Variants in PREX2 observed in about 807,000 individuals in gnomAD.
PREX2 encodes the protein phosphatidylinositol 3,4,5-trisphosphate-dependent Rac exchanger 2 protein.
A neutral mutation model predicts 203.2 loss-of-function variants in PREX2; 107 were observed. The observed-to-expected ratio is 0.53, with a 90% confidence interval of 0.45 to 0.62. The LOEUF is 0.62. Ranked by LOEUF, PREX2 falls within the 20% of genes least tolerant of loss-of-function variation. PREX2 has a pLI of 0.00. For missense variants in PREX2, 1,777 were observed against 1,955.9 expected (o/e 0.91, Z 1.72); for synonymous variants, 672 against 663.6 (o/e 1.01, Z -0.19).
intron 30 of PREX2, among the ~76,000 whole-genome samples, chr8:68,126,660 G>A (rs1360590499): frequency 6.6e-6 from 1 of 151,594 alleles, no homozygotes; most frequent in African/African-American, 2.4e-5. Flanking sequence ...CCATAATCTT[G>A]GGCATTTAGC....
Position 68,231,317 on chromosome 8 carries a change from A to C in PREX2, c.4776-16A>C. 2 of 1,574,642 alleles carry C rather than the reference A, an allele frequency of 1.3e-6. No homozygotes were observed. The highest frequency in any genetic ancestry group is 1.7e-6 in the Non-Finnish European group (2 of 1,164,106). ...ATACACTAAGTCACTGTCAAACTTT[A>C]CCATGCCTTTTCTAGGCTGTACAAG... On this transcript the variant is annotated splice_polypyrimidine_tract_variant and intron_variant, in intron 39 of 39. Transcript: ENST00000288368.
chr8:68,066,035 G>A (rs2129611474), intron 11 of PREX2, among the ~76,000 whole-genome samples: 1 of 152,162 alleles, frequency 6.6e-6, no homozygotes, highest in South Asian at 2.1e-4. Context: ...TCACTTTTTT[G>A]TGGTGAGAAC....
chr8:68,217,567 G>A (rs1281780559), intron 37 of PREX2, 49 bp from the exon 38 acceptor site: 1 of 1,324,010 alleles, frequency 7.6e-7, no homozygotes, highest in Non-Finnish European at 1.1e-6. Flanking sequence ...CATCTCAAAG[G>A]GTGTATCAGG....
intron 34 of PREX2, among the ~76,000 whole-genome samples, chr8:68,148,566 A>G (rs548268628): frequency 1.3e-5 from 2 of 152,364 alleles, no homozygotes; most frequent in African/African-American, 4.8e-5. Flanking sequence ...TTTGCAAGCA[A>G]CCTCTATTTT....
intron 37 of PREX2, among the ~76,000 whole-genome samples, chr8:68,196,726 C>T (rs994411595): frequency 8.9e-6 from 1 of 112,846 alleles, no homozygotes; most frequent in African/African-American, 4.2e-5. Flanking sequence ...ATGGCACCTC[C>T]CCCCCCCAAC....
intron 19 of PREX2, among the ~76,000 whole-genome samples, chr8:68,088,785 C>T (rs1031216918): frequency 3.3e-5 from 5 of 152,142 alleles, no homozygotes; most frequent in Admixed American, 6.5e-5. Context: ...CAAATATCTT[C>T]TGCATTTTCA....
At chr8:68,080,713 C>G in intron 16 of PREX2, 33 bp from the exon 17 acceptor site, 1 of 1,484,774 alleles carries the variant, frequency 6.7e-7, no homozygotes. Context: ...TTCATAGTTG[C>G]TTTATCAATA....
At chr8:68,098,938 GTATATATA>G (rs71253061) in intron 22 of PREX2, among the ~76,000 whole-genome samples, 321 of 109,790 alleles carry the variant, frequency 2.9e-3, no homozygotes, top group South Asian at 5.0e-3. Context: ...ATATATATGT[GTATATATA>G]TATATATATA....
chr8:68,114,953 A>C (rs1198640718), intron 25 of PREX2, among the ~76,000 whole-genome samples: 3 of 150,212 alleles, frequency 2.0e-5, no homozygotes, highest in Non-Finnish European at 3.0e-5. Context: ...TTTGGGTTTA[A>C]TATTTGGCTA....
intron 10 of PREX2, 32 bp from the exon 11 acceptor site, chr8:68,060,647 C>T (rs755958894): frequency 2.0e-5 from 30 of 1,504,006 alleles, no homozygotes; most frequent in Admixed American, 5.4e-5. Context: ...AAAAATTAAC[C>T]GTTTAGCTTT....
chr8:68,131,809 C>T (rs955300584), intron 31 of PREX2, among the ~76,000 whole-genome samples: 123 of 152,238 alleles, frequency 8.1e-4, no homozygotes, highest in African/African-American at 2.6e-3. Context: ...GCAGATCCTT[C>T]TTTCTCTAGA....
intron 1 of PREX2, among the ~76,000 whole-genome samples, chr8:67,961,494 A>G (rs948291808): frequency 1.3e-5 from 2 of 152,284 alleles, no homozygotes; most frequent in Non-Finnish European, 2.9e-5. Context: ...GATTTATAAC[A>G]TTGTAGTTGC....
chr8:68,118,294 G>A (rs1810697846), intron 26 of PREX2, among the ~76,000 whole-genome samples: 1 of 151,146 alleles, frequency 6.6e-6, no homozygotes, highest in South Asian at 2.1e-4. Context: ...GGCGGAGCTT[G>A]CAGTGAGCCG....
At chr8:67,956,829 T>C (rs966599586) in intron 1 of PREX2, among the ~76,000 whole-genome samples, 10 of 152,380 alleles carry the variant, frequency 6.6e-5, no homozygotes, top group African/African-American at 2.4e-4. Flanking sequence ...GCTATGTGTC[T>C]TGTCATAAAC....
intron 6 of PREX2, among the ~76,000 whole-genome samples, chr8:68,032,811 C>T (rs1807923342): frequency 6.6e-6 from 1 of 152,092 alleles, no homozygotes. Flanking sequence ...GAAGTTCAGA[C>T]GTAGGGTGGC....
chr8:68,012,208 A>G (rs1807284957), intron 1 of PREX2, among the ~76,000 whole-genome samples: 1 of 152,208 alleles, frequency 6.6e-6, no homozygotes, highest in Non-Finnish European at 1.5e-5. Context: ...TTTTGAGGTC[A>G]AATAGAATAC....
At chr8:68,103,926 G>A (rs1369590611) in intron 23 of PREX2, among the ~76,000 whole-genome samples, 1 of 152,074 alleles carries the variant, frequency 6.6e-6, no homozygotes, top group East Asian at 1.9e-4. Context: ...TCTCATTCAG[G>A]GTCCTGGCCT....
At chr8:68,019,037 G>T (rs1365835411) in intron 2 of PREX2, among the ~76,000 whole-genome samples, 1 of 152,208 alleles carries the variant, frequency 6.6e-6, no homozygotes, top group Non-Finnish European at 1.5e-5. Context: ...AGAGGAGAAG[G>T]TTTAGCACCT....
At chr8:67,998,229 CA>C (rs1439320906) in intron 1 of PREX2, among the ~76,000 whole-genome samples, 2 of 152,114 alleles carry the variant, frequency 1.3e-5, no homozygotes, top group Non-Finnish European at 2.9e-5. Context: ...TCTATCCTGC[CA>C]CCCTGAATGC....
Sources: allele counts gnomAD v4.1 joint callset (sites outside exome capture counted in the v4.1 genomes callset), GRCh38; gene constraint gnomAD v4.1.1; transcripts MANE v1.5; gene names NCBI Gene and HGNC (gene_info 2026-07-23, HGNC 2026-07-21).